The following BRD9 variants were observed in gnomAD, a reference collection of about 807,000 sequenced individuals.
The protein encoded by BRD9 is bromodomain containing 9, also known as bromodomain-containing protein 9.
A neutral mutation model predicts 68.7 loss-of-function variants in BRD9; 47 were observed. The ratio of observed to expected loss-of-function variants is 0.68; its 90% confidence interval spans 0.54 to 0.87. BRD9 has a LOEUF of 0.87. BRD9 is among the 40% of genes least tolerant of loss of function. The pLI, the probability that BRD9 is intolerant of heterozygous loss-of-function variation, is 0.00. For missense variants in BRD9, 670 were observed against 748.4 expected, an observed-to-expected ratio of 0.90 and a Z score of 1.22; for synonymous variants, 313 against 293.9, an observed-to-expected ratio of 1.06 and a Z score of -0.67.
chr5:885,188 A>C (rs1479952328), intron 7 of BRD9, among the ~76,000 whole-genome samples: 1 of 152,248 alleles, frequency 6.6e-6, no homozygotes, highest in Admixed American at 6.5e-5. Flanking sequence ...GGACACAGCC[A>C]CCAGCCAACC....
At chr5:878,061 A>AAT (rs1751229925) in intron 11 of BRD9, among the ~76,000 whole-genome samples, 1 of 152,206 alleles carries the variant, frequency 6.6e-6, no homozygotes, top group Admixed American at 6.5e-5. Flanking sequence ...AGCCTGAGCT[A>AAT]GCACGGTCAC....
At chr5:865,804 C>G in intron 14 of BRD9, 1 of 518,920 alleles carries the variant, frequency 1.9e-6, no homozygotes, top group Non-Finnish European at 3.4e-6. Flanking sequence ...GTCCTTTGCT[C>G]AAGCAAAGCA....
chr5:888,213 T>G (rs1279301047), intron 5 of BRD9: 1 of 152,332 alleles, frequency 6.6e-6, no homozygotes, highest in Non-Finnish European at 1.5e-5. Context: ...CTCCACGGAG[T>G]GAATGCTGCT....
In BRD9 at chr5:881,096, C is replaced by T. The variant is rs369415502; in HGVS notation, c.1042+11G>A. On this transcript the variant is annotated intron_variant, in intron 9 of 15. Coordinates refer to ENST00000467963, the MANE Select transcript of BRD9 (RefSeq NM_023924.5). ...CGGAGAGCATAAAGCCAGCCCTGAG[C>T]GGGCACCCACCATCAGCGTCCGGCT... 573 of 1,613,392 alleles carry T rather than the reference C, an allele frequency of 3.6e-4. No homozygotes were observed. Among genetic ancestry groups the T allele is most frequent in the East Asian group, 7.1e-4 (32 of 44,868 alleles).
intron 7 of BRD9, 27 bp from the exon 8 acceptor site, chr5:884,097 C>A: frequency 6.2e-7 from 1 of 1,606,248 alleles, no homozygotes; most frequent in Non-Finnish European, 8.5e-7. Context: ...ACCAAGTCAC[C>A]TGGAGGCAGC....
intron 14 of BRD9, 158 bp from the exon 15 acceptor site, chr5:865,739 C>T: frequency 1.3e-6 from 1 of 765,728 alleles, no homozygotes; most frequent in Admixed American, 2.8e-5. Flanking sequence ...GGTGGACAGG[C>T]CTGGAGGACA....
intron 11 of BRD9, 52 bp from the exon 12 acceptor site, chr5:876,264 C>G: frequency 7.0e-7 from 1 of 1,430,076 alleles, no homozygotes; most frequent in East Asian, 2.3e-5. Flanking sequence ...GTCGCCTGGC[C>G]CTCGCGGCAG....
At chr5:877,353 T>C (rs1751106468) in intron 11 of BRD9, among the ~76,000 whole-genome samples, 1 of 152,248 alleles carries the variant, frequency 6.6e-6, no homozygotes, top group Non-Finnish European at 1.5e-5. Flanking sequence ...CGTCTCCTAC[T>C]AGAATTTCCT....
intron 14 of BRD9, chr5:869,450 T>C (rs535313534): frequency 4.5e-6 from 2 of 443,866 alleles, no homozygotes; most frequent in African/African-American, 2.0e-5. Context: ...TATTTTGAAA[T>C]AGCCCTGCAA....
At chr5:882,796 C>A (rs1751972821) in intron 8 of BRD9, among the ~76,000 whole-genome samples, 1 of 151,288 alleles carries the variant, frequency 6.6e-6, no homozygotes, top group Non-Finnish European at 1.5e-5. Flanking sequence ...ACCACAGCAA[C>A]TTCCCAACAC....
Position 892,623 on chromosome 5 carries a change from C to A in BRD9, c.35G>T (p.Trp12Leu). 6.6e-7 allele frequency: 1 copy of A among 1,523,662 alleles called. No individual in the cohort carries two copies. Among genetic ancestry groups the A allele is most frequent in the South Asian group, 1.2e-5 (1 of 82,564 alleles). The allele number at this position is 1,523,662 out of a possible 1,614,324, so 94.4% of individuals were successfully genotyped here. ...GKKHKKHKAE[W>L]RSSYEDYADK... Reference sequence around the variant, plus strand: ...CGCCTCACCCTCGTAGGACGAGCGCCACTCGGCCTTGTGCTTCTTGTGCTT... The same window carrying A: ...CGCCTCACCCTCGTAGGACGAGCGCAACTCGGCCTTGTGCTTCTTGTGCTT... The change falls in exon 1 of 16, where the codon TGG becomes TTG. Residue 12 changes from tryptophan (W) to leucine (L), a missense_variant. Around this residue, in one of 5 missense-constraint regions of BRD9, gnomAD observed 161 missense variants for 148.1 expected, o/e 1.09. Transcript: ENST00000467963.
chr5:868,513 C>A (rs930702811), intron 14 of BRD9: 1 of 152,278 alleles, frequency 6.6e-6, no homozygotes, highest in Non-Finnish European at 1.5e-5. Flanking sequence ...GGGTCCCCCC[C>A]AGTGCTAGGG....
chr5:870,452 A>G (rs1313171430), intron 14 of BRD9, 21 bp downstream of exon 14: 1 of 1,581,030 alleles, frequency 6.3e-7, no homozygotes, highest in Non-Finnish European at 8.7e-7. Context: ...GTGCTGTGGG[A>G]AAGTGCCTGT....
intron 6 of BRD9, 126 bp downstream of exon 6, chr5:887,235 G>C (rs756026278): frequency 1.3e-5 from 10 of 778,238 alleles, no homozygotes; most frequent in Non-Finnish European, 2.1e-5. Flanking sequence ...TAGAGCAAAG[G>C]GGGCAACACC....
Position 870,555 on chromosome 5 carries a change from G to C in BRD9, c.1443C>G (p.Asp481Glu). The C allele has an allele frequency of 6.2e-7, 1 of 1,614,018 alleles. No individual in the cohort carries two copies. Among genetic ancestry groups the C allele is most frequent in the South Asian group, 1.1e-5 (1 of 91,068 alleles). Residue 481 changes from aspartate to glutamate, a missense_variant, in exon 14 of 16, where the codon GAC becomes GAG. By Grantham distance (45) the Asp-to-Glu change is conservative. This residue lies in a region of BRD9 where 280 missense variants were observed against 281.5 expected (regional missense o/e 0.99). Coordinates refer to ENST00000467963, the MANE Select transcript of BRD9 (RefSeq NM_023924.5). ...TGAACTCCAGAACAGAGCTGCTGCT[G>C]TCTCCTAGGGTGTCCCCAACCTGTG... ...DEAKVGDTLG[D>E]SSSSVLEFMS... is the part of the protein sequence containing the mutation.
At chr5:868,129 T>C (rs1311142037) in intron 14 of BRD9, among the ~76,000 whole-genome samples, 2 of 152,216 alleles carry the variant, frequency 1.3e-5, no homozygotes, top group Non-Finnish European at 2.9e-5. Context: ...TTCAAAGCAC[T>C]TCCCCCTTTG....
chr5:865,905 G>A (rs1286087714), intron 14 of BRD9: 1 of 243,228 alleles, frequency 4.1e-6, no homozygotes, highest in Non-Finnish European at 7.8e-6. Context: ...GGCCTGGTGT[G>A]GGCTCCTGTC....
intron 11 of BRD9, among the ~76,000 whole-genome samples, chr5:877,846 G>A (rs1751183861): frequency 6.6e-6 from 1 of 152,120 alleles, no homozygotes; most frequent in Admixed American, 6.5e-5. Flanking sequence ...ATATGACCAG[G>A]GTCCTTGAGA....
chr5:870,863 C>T (rs1417696708), intron 13 of BRD9, among the ~76,000 whole-genome samples: 2 of 152,230 alleles, frequency 1.3e-5, no homozygotes, highest in Non-Finnish European at 2.9e-5. Flanking sequence ...TGGGGAGGGA[C>T]ATTATGCAAC....
Sources: gnomAD v4.1 joint callset for allele counts (sites outside exome capture counted in the v4.1 genomes callset) on GRCh38, gnomAD v4.1.1 for gene constraint, gnomAD v4.1.1 regional missense constraint, MANE v1.5 for transcripts, NCBI Gene and HGNC (gene_info 2026-07-23, HGNC 2026-07-21) for gene names.